ZNF385D: variants seen among roughly 807,000 people sequenced by gnomAD.
The protein encoded by ZNF385D is zinc finger protein 659.
In ZNF385D, 15 loss-of-function variants were observed where a neutral mutation model predicts 35.8. The observed-to-expected ratio is 0.42, with a 90% CI of 0.28 to 0.64. The LOEUF (loss-of-function observed/expected upper bound fraction) is 0.64, where lower values mean the gene tolerates loss of function less well. ZNF385D is among the 30% of genes least tolerant of loss of function. ZNF385D has a pLI of 0.23. For missense variants in ZNF385D, 474 were observed against 494.6 expected, an observed-to-expected ratio of 0.96 and a Z score of 0.39; for synonymous variants, 212 against 186.8, an observed-to-expected ratio of 1.13 and a Z score of -1.10.
chr3:21,885,592 G>T (rs911466245), intron 3 of ZNF385D, among the ~76,000 whole-genome samples: 2 of 151,802 alleles, frequency 1.3e-5, no homozygotes, highest in African/African-American at 4.8e-5. Flanking sequence ...GAATCAATTG[G>T]TTATAAGACA....
At chr3:22,296,447 G>A (rs1042033282) in intron 2 of ZNF385D, among the ~76,000 whole-genome samples, 8 of 152,138 alleles carry the variant, frequency 5.3e-5, no homozygotes, top group African/African-American at 1.7e-4. Flanking sequence ...ACTGCAAGCA[G>A]TTCTTCAAGG....
At chr3:21,751,222 A>C (rs1416214496), upstream of ZNF385D, 4 of 1,256,524 alleles carry the variant, frequency 3.2e-6, no homozygotes, top group Non-Finnish European at 4.0e-6. Context: ...AGAGTACTAC[A>C]AGCAGACCCC....
intron 3 of ZNF385D, among the ~76,000 whole-genome samples, chr3:21,834,513 G>T (rs559708021): frequency 6.6e-6 from 1 of 152,280 alleles, no homozygotes; most frequent in Non-Finnish European, 1.5e-5. Flanking sequence ...TGGCAGTTAG[G>T]ACTGCAGATT....
chr3:21,999,791 T>G (rs796495542), intron 3 of ZNF385D, among the ~76,000 whole-genome samples: 1 of 148,726 alleles, frequency 6.7e-6, no homozygotes. Context: ...AAAATAATAA[T>G]AATGAAAAAC....
chr3:22,180,054 A>C (rs1695124735), intron 2 of ZNF385D, among the ~76,000 whole-genome samples: 1 of 152,190 alleles, frequency 6.6e-6, no homozygotes, highest in African/African-American at 2.4e-5. Context: ...ACTAATAAAG[A>C]AGAAAAGAGA....
intron 2 of ZNF385D, among the ~76,000 whole-genome samples, chr3:21,600,682 AAC>A (rs772504218): frequency 1.3e-5 from 2 of 152,218 alleles, no homozygotes; most frequent in East Asian, 1.9e-4. Context: ...AAAACAAAAA[AAC>A]ACACAGAGAG....
chr3:21,565,326 C>G (rs1299551047), intron 2 of ZNF385D, among the ~76,000 whole-genome samples: 1 of 152,014 alleles, frequency 6.6e-6, no homozygotes, highest in East Asian at 1.9e-4. Context: ...ATTTTATTTC[C>G]AGGACAGGAC....
At chr3:21,936,815 C>G (rs140774162) in intron 3 of ZNF385D, among the ~76,000 whole-genome samples, 1 of 151,964 alleles carries the variant, frequency 6.6e-6, no homozygotes, top group Non-Finnish European at 1.5e-5. Context: ...CCTCATTGTG[C>G]TGAAAAATAA....
intron 4 of ZNF385D, among the ~76,000 whole-genome samples, chr3:21,443,953 AT>A (rs1216513849): frequency 6.6e-6 from 1 of 152,194 alleles, no homozygotes; most frequent in Admixed American, 6.5e-5. Context: ...CATATACATA[AT>A]GGTTACTTGT....
At chr3:21,641,335 TAGG>T (rs1253460632) in intron 2 of ZNF385D, among the ~76,000 whole-genome samples, 8 of 148,590 alleles carry the variant, frequency 5.4e-5, no homozygotes, top group African/African-American at 1.5e-4. Flanking sequence ...TGAAGAGGAA[TAGG>T]AGGAGGAGAA....
intron 5 of ZNF385D, 183 bp downstream of exon 5, chr3:21,436,787 A>T: frequency 1.6e-6 from 1 of 613,456 alleles, no homozygotes; most frequent in East Asian, 2.8e-5. Flanking sequence ...CCTGGAAACC[A>T]CCCCTTGCCC....
At chr3:21,975,214 G>A (rs905926974) in intron 3 of ZNF385D, among the ~76,000 whole-genome samples, 1 of 152,130 alleles carries the variant, frequency 6.6e-6, no homozygotes, top group Non-Finnish European at 1.5e-5. Flanking sequence ...TATACACAAT[G>A]GAGTACTATT....
At position 21,685,725 on chromosome 3, in the gene ZNF385D, C is replaced by T. The variant is rs184682752; in HGVS notation, c.23-20697G>A. ...ATAATGAAATTAGTAATTGGCATTA[C>T]CTAATTATCCCAGAATTCTGAAAAA... On this transcript the variant is annotated intron_variant, in intron 1 of 7. Transcript: ENST00000281523. Among the ~76,000 whole-genome samples the T allele has an allele frequency of 1.6e-3, 245 of 152,270 alleles. 1 individual carries two copies. Among genetic ancestry groups the T allele is most frequent in the South Asian group, 2.5e-3 (12 of 4,832 alleles).
At chr3:21,780,221 C>T (rs1365665226) in intron 3 of ZNF385D, among the ~76,000 whole-genome samples, 1 of 151,982 alleles carries the variant, frequency 6.6e-6, no homozygotes, top group African/African-American at 2.4e-5. Flanking sequence ...ACTAATATTA[C>T]CTACTTCAAC....
chr3:21,675,046 A>G (rs1449775027), intron 1 of ZNF385D, among the ~76,000 whole-genome samples: 1 of 152,056 alleles, frequency 6.6e-6, no homozygotes, highest in Non-Finnish European at 1.5e-5. Flanking sequence ...CAAATTAACA[A>G]TGGTGTACAT....
intron 2 of ZNF385D, among the ~76,000 whole-genome samples, chr3:22,307,921 G>T (rs759213877): frequency 2.6e-5 from 4 of 151,988 alleles, no homozygotes; most frequent in African/African-American, 7.2e-5. Flanking sequence ...AAAGATAAAT[G>T]AGGCACTTTA....
intron 3 of ZNF385D, among the ~76,000 whole-genome samples, chr3:21,875,708 T>A (rs1359146076): frequency 6.6e-6 from 1 of 152,092 alleles, no homozygotes; most frequent in African/African-American, 2.4e-5. Context: ...GGCCAGCCTT[T>A]GATATCAAAC....
At chr3:21,922,894 G>GT (rs1364717470) in intron 3 of ZNF385D, among the ~76,000 whole-genome samples, 1 of 152,098 alleles carries the variant, frequency 6.6e-6, no homozygotes, top group East Asian at 1.9e-4. Context: ...TCTGACCAAG[G>GT]TCTAATATGG....
intron 3 of ZNF385D, among the ~76,000 whole-genome samples, chr3:21,854,137 T>G (rs1696572124): frequency 6.6e-6 from 1 of 151,966 alleles, no homozygotes; most frequent in South Asian, 2.1e-4. Context: ...CCCATATTAC[T>G]TAGCATGCAC....
Sources: gnomAD v4.1 joint callset for allele counts (sites outside exome capture counted in the v4.1 genomes callset) on GRCh38, gnomAD v4.1.1 for gene constraint, MANE v1.5 for transcripts, NCBI Gene and HGNC (gene_info 2026-07-23, HGNC 2026-07-21) for gene names.